The following TBL1Y variants were observed in gnomAD, a reference collection of about 807,000 sequenced individuals.
The protein encoded by TBL1Y is F-box-like/WD repeat-containing protein TBL1Y.
A neutral mutation model predicts 12.0 loss-of-function variants in TBL1Y; 15 were observed. That is an observed-to-expected ratio of 1.25 (90% CI 0.83 to 1.92). The LOEUF is 1.92. Among genes scored for constraint, TBL1Y ranks in the 40% most tolerant of loss-of-function variants. The probability of loss-of-function intolerance (pLI) is 0.00; values close to 1 mark genes in which losing one functional copy is unlikely to be tolerated. For synonymous variants in TBL1Y, 53 were observed against 42.6 expected, an observed-to-expected ratio of 1.24 and a Z score of -0.95; for missense variants, 148 against 116.7, an observed-to-expected ratio of 1.27 and a Z score of -1.24.
At chrY:7,004,789 C>T in intron 4 of TBL1Y, among the ~76,000 whole-genome samples, 1 of 32,968 alleles carries the variant, frequency 3.0e-5, no homozygotes, top group Admixed American at 2.8e-4. Context: ...TTTTGATGGC[C>T]TGCCATTTTG....
At chrY:7,057,602 T>C (rs2012831495) in intron 7 of TBL1Y, among the ~76,000 whole-genome samples, 1 of 33,135 alleles carries the variant, frequency 3.0e-5, no homozygotes, top group African/African-American at 1.2e-4. Flanking sequence ...GTCATTCCTT[T>C]CTACCAAACC....
intron 7 of TBL1Y, 87 bp from the exon 8 acceptor site, chrY:7,063,810 C>T: frequency 5.7e-6 from 2 of 348,815 alleles, no homozygotes; most frequent in Non-Finnish European, 8.3e-6. Context: ...TCCACTTCCC[C>T]GTGCCTCTCC....
intron 13 of TBL1Y, among the ~76,000 whole-genome samples, chrY:7,080,367 C>T (rs1029367058): frequency 3.3e-4 from 11 of 33,246 alleles, no homozygotes; most frequent in Admixed American, 1.4e-3. Flanking sequence ...AGGCCAAGGC[C>T]GGAGGATTGC....
At chrY:7,069,933 C>T (rs554689658) in intron 8 of TBL1Y, among the ~76,000 whole-genome samples, 1 of 33,209 alleles carries the variant, frequency 3.0e-5, no homozygotes, top group Admixed American at 2.7e-4. Flanking sequence ...CTTGACCTCC[C>T]AAAGCATTGG....
intron 7 of TBL1Y, among the ~76,000 whole-genome samples, chrY:7,061,880 C>T (rs2012872021): frequency 4.1e-5 from 1 of 24,338 alleles, no homozygotes; most frequent in Non-Finnish European, 9.4e-5. Context: ...CCTTGTGGTA[C>T]CTCTTTCAAA....
intron 7 of TBL1Y, among the ~76,000 whole-genome samples, chrY:7,053,778 G>C: frequency 3.0e-5 from 1 of 33,413 alleles, no homozygotes; most frequent in Non-Finnish European, 7.4e-5. Context: ...CAGTAGCAGG[G>C]AGTGGCCCCA....
chrY:7,085,829 G>T (rs892673190), intron 14 of TBL1Y, 69 bp from the exon 15 acceptor site: 1 of 331,384 alleles, frequency 3.0e-6, no homozygotes, highest in Non-Finnish European at 4.4e-6. Flanking sequence ...GCTGCCCCCT[G>T]CTGGAAGGCG....
At chrY:7,019,173 T>C in intron 4 of TBL1Y, among the ~76,000 whole-genome samples, 1 of 34,245 alleles carries the variant, frequency 2.9e-5, no homozygotes, top group Non-Finnish European at 7.3e-5. Flanking sequence ...TTTGGCCATA[T>C]GTAAACTTTC....
At chrY:7,040,629 G>A (rs900238981) in intron 6 of TBL1Y, among the ~76,000 whole-genome samples, 1 of 33,813 alleles carries the variant, frequency 3.0e-5, no homozygotes, top group Non-Finnish European at 7.3e-5. Context: ...TCCATGCAGG[G>A]AATTCAAGAA....
At chrY:6,992,363 C>A (rs953863163) in intron 3 of TBL1Y, among the ~76,000 whole-genome samples, 2 of 33,065 alleles carry the variant, frequency 6.0e-5, no homozygotes. Context: ...TGGCCTTCTT[C>A]CTGTGTGCAC....
intron 3 of TBL1Y, among the ~76,000 whole-genome samples, chrY:6,992,903 G>A: frequency 2.9e-5 from 1 of 34,152 alleles, no homozygotes; most frequent in Non-Finnish European, 7.3e-5. Context: ...GCCTGGGACC[G>A]TGTCTTTATT....
chrY:7,060,070 C>T, intron 7 of TBL1Y, among the ~76,000 whole-genome samples: 1 of 33,538 alleles, frequency 3.0e-5, no homozygotes, highest in African/African-American at 1.2e-4. Flanking sequence ...ACCCCTTTAA[C>T]TTTATCCAAT....
chrY:6,911,749 TC>T (rs2011696950), intron 1 of TBL1Y, among the ~76,000 whole-genome samples: 1 of 34,086 alleles, frequency 2.9e-5, no homozygotes, highest in Non-Finnish European at 7.4e-5. Context: ...GTACCTTCTC[TC>T]ACGGAGGGGG....
intron 14 of TBL1Y, among the ~76,000 whole-genome samples, chrY:7,082,596 C>T (rs2013106289): frequency 3.0e-5 from 1 of 33,539 alleles, no homozygotes; most frequent in Non-Finnish European, 7.4e-5. Context: ...CAGTCTGATA[C>T]AGACTCTTCT....
intron 3 of TBL1Y, among the ~76,000 whole-genome samples, chrY:6,994,934 T>G (rs754552982): frequency 8.9e-5 from 3 of 33,739 alleles, no homozygotes; most frequent in African/African-American, 3.5e-4. Context: ...ACCAACTGGA[T>G]GGCCTAATAC....
intron 2 of TBL1Y, among the ~76,000 whole-genome samples, chrY:6,934,870 A>C: frequency 3.2e-5 from 1 of 31,396 alleles, no homozygotes. Flanking sequence ...TTTCCTTTTT[A>C]TATCAAGATC....
chrY:6,958,723 C>T, intron 2 of TBL1Y, among the ~76,000 whole-genome samples: 5 of 33,838 alleles, frequency 1.5e-4, no homozygotes, highest in East Asian at 7.9e-4. Flanking sequence ...TGGACGTGTA[C>T]GTAAGCCAGA....
chrY:7,020,908 T>C (rs944215243), intron 4 of TBL1Y, among the ~76,000 whole-genome samples: 1 of 33,033 alleles, frequency 3.0e-5, no homozygotes, highest in African/African-American at 1.2e-4. Flanking sequence ...TGTTTCTGTG[T>C]TTTTATGAGC....
At chrY:7,064,395 G>C (rs1024093729) in intron 8 of TBL1Y, among the ~76,000 whole-genome samples, 36 of 33,092 alleles carry the variant, frequency 1.1e-3, no homozygotes, top group African/African-American at 2.1e-3. Flanking sequence ...GCCAGTCTGA[G>C]AACTCTCCTA....
Sources: allele counts gnomAD v4.1 joint callset (sites outside exome capture counted in the v4.1 genomes callset), GRCh38; gene constraint gnomAD v4.1.1; transcripts MANE v1.5; gene names NCBI Gene and HGNC (gene_info 2026-07-23, HGNC 2026-07-21).